Variants in GPC5 observed in about 807,000 individuals in gnomAD.
GPC5 encodes the protein glypican-5.
GPC5 carries 47 observed loss-of-function variants against 53.9 expected under a neutral mutation model. The observed-to-expected ratio is 0.87, with a 90% CI of 0.69 to 1.11. GPC5 has a LOEUF of 1.11. GPC5 is among the 50% of genes most tolerant of loss of function. The pLI, the probability that GPC5 is intolerant of heterozygous loss-of-function variation, is 0.00. For synonymous variants in GPC5, 286 were observed against 263.3 expected, an observed-to-expected ratio of 1.09 and a Z score of -0.84; for missense variants, 748 against 713.1, an observed-to-expected ratio of 1.05 and a Z score of -0.56.
At chr13:91,901,055 T>C (rs1036176897) in intron 5 of GPC5, among the ~76,000 whole-genome samples, 1 of 152,062 alleles carries the variant, frequency 6.6e-6, no homozygotes, top group Non-Finnish European at 1.5e-5. Flanking sequence ...GGTAAAATTT[T>C]CAGGTTGGTT....
intron 7 of GPC5, among the ~76,000 whole-genome samples, chr13:92,186,011 A>G (rs1376931171): frequency 6.6e-6 from 1 of 152,182 alleles, no homozygotes; most frequent in Non-Finnish European, 1.5e-5. Flanking sequence ...GTAATGAAAT[A>G]TTAATTTAAA....
chr13:92,743,183 C>A (rs1472723428), intron 7 of GPC5, among the ~76,000 whole-genome samples: 4 of 151,878 alleles, frequency 2.6e-5, no homozygotes, highest in Non-Finnish European at 5.9e-5. Flanking sequence ...GGCAGTATGG[C>A]CATTTTCACG....
At chr13:92,366,594 T>A (rs1045045413) in intron 7 of GPC5, among the ~76,000 whole-genome samples, 1 of 152,182 alleles carries the variant, frequency 6.6e-6, no homozygotes, top group African/African-American at 2.4e-5. Context: ...TCTTTATTTT[T>A]AAACATGTAT....
intron 6 of GPC5, among the ~76,000 whole-genome samples, chr13:91,976,187 G>A (rs944943626): frequency 2.0e-5 from 3 of 152,058 alleles, no homozygotes; most frequent in African/African-American, 4.8e-5. Context: ...CGAGTTAATG[G>A]GTGCAGCACA....
At chr13:92,322,724 T>C (rs573302355) in intron 7 of GPC5, among the ~76,000 whole-genome samples, 20 of 152,202 alleles carry the variant, frequency 1.3e-4, no homozygotes, top group Non-Finnish European at 2.6e-4. Flanking sequence ...CTTTCATTGT[T>C]GAAGAAATAA....
At chr13:92,056,092 A>T (rs1438773975) in intron 6 of GPC5, among the ~76,000 whole-genome samples, 4 of 152,098 alleles carry the variant, frequency 2.6e-5, no homozygotes, top group Non-Finnish European at 5.9e-5. Context: ...TAGTGGCTTA[A>T]TATATTATCT....
intron 7 of GPC5, among the ~76,000 whole-genome samples, chr13:92,655,664 GAGTC>G (rs1455058386): frequency 6.6e-6 from 1 of 152,178 alleles, no homozygotes; most frequent in Non-Finnish European, 1.5e-5. Context: ...GGAGTATCAA[GAGTC>G]AGCCTTTGTT....
intron 6 of GPC5, among the ~76,000 whole-genome samples, chr13:92,112,739 A>G (rs2041568159): frequency 6.6e-6 from 1 of 152,094 alleles, no homozygotes; most frequent in South Asian, 2.1e-4. Context: ...TGTATGTACA[A>G]GTGTGTGTGT....
intron 5 of GPC5, among the ~76,000 whole-genome samples, chr13:91,817,418 T>G (rs2038416929): frequency 6.6e-6 from 1 of 152,184 alleles, no homozygotes; most frequent in Admixed American, 6.5e-5. Flanking sequence ...AAATGCGCAG[T>G]CATGTCTGTA....
intron 6 of GPC5, among the ~76,000 whole-genome samples, chr13:92,070,833 A>G (rs542021505): frequency 6.6e-6 from 1 of 152,250 alleles, no homozygotes; most frequent in Middle Eastern, 3.4e-3. Context: ...CTGAGGTGCA[A>G]TAACTTTCTA....
intron 7 of GPC5, among the ~76,000 whole-genome samples, chr13:92,548,876 C>T (rs922511548): frequency 5.9e-5 from 9 of 151,474 alleles, no homozygotes; most frequent in Admixed American, 2.0e-4. Context: ...TCTCATGTGC[C>T]GCATAAATAC....
intron 7 of GPC5, among the ~76,000 whole-genome samples, chr13:92,702,873 C>T (rs945172024): frequency 9.9e-5 from 15 of 151,830 alleles, no homozygotes; most frequent in Non-Finnish European, 1.8e-4. Context: ...TCATTTTGCT[C>T]CAGCACCACT....
chr13:92,268,238 A>T (rs2042815776), intron 7 of GPC5, among the ~76,000 whole-genome samples: 1 of 152,090 alleles, frequency 6.6e-6, no homozygotes, highest in African/African-American at 2.4e-5. Context: ...AATTTCAAAA[A>T]AAGGTAAAAA....
At chr13:92,741,227 G>A (rs1473263805) in intron 7 of GPC5, among the ~76,000 whole-genome samples, 1 of 151,156 alleles carries the variant, frequency 6.6e-6, no homozygotes, top group Non-Finnish European at 1.5e-5. Context: ...CATTCATGAG[G>A]TGATGTTTAG....
In GPC5 at chr13:91,634,697, A is replaced by T. The variant is rs72641489; in HGVS notation, c.326-58490A>T. Among the ~76,000 whole-genome samples the T allele has an allele frequency of 8.9e-3, 1,350 of 152,200 alleles. 26 individuals carry two copies. The highest frequency in any genetic ancestry group is 0.053 in the South Asian group (258 of 4,832). ...GTGTTTCTACTGGAGCTTGAAATTA[A>T]TATAGTTTTATATACCAGTATTACC... On this transcript the variant is annotated intron_variant, in intron 2 of 7. Transcript: ENST00000377067.
At chr13:91,410,339 CTTTTTTTTTT>C (rs66787310) in intron 1 of GPC5, among the ~76,000 whole-genome samples, 2 of 89,838 alleles carry the variant, frequency 2.2e-5, no homozygotes, top group South Asian at 4.4e-4. Flanking sequence ...CGTTTCCATT[CTTTTTTTTTT>C]TTTTTTTTTT....
At chr13:92,020,233 T>A (rs1285820470) in intron 6 of GPC5, among the ~76,000 whole-genome samples, 3 of 152,094 alleles carry the variant, frequency 2.0e-5, no homozygotes, top group Admixed American at 2.0e-4. Flanking sequence ...TTAATCTCCC[T>A]ATTTTAAACT....
intron 4 of GPC5, among the ~76,000 whole-genome samples, chr13:91,744,027 G>A (rs2036994216): frequency 4.4e-5 from 1 of 22,820 alleles, no homozygotes; most frequent in Non-Finnish European, 8.1e-5. Context: ...CAAGATTCTT[G>A]TTATATAAGG....
intron 2 of GPC5, among the ~76,000 whole-genome samples, chr13:91,598,277 G>A (rs745445013): frequency 5.9e-5 from 9 of 151,942 alleles, no homozygotes; most frequent in South Asian, 2.1e-4. Context: ...TACCAGTGAC[G>A]ATGCACTTTT....
Sources: gnomAD v4.1 joint callset for allele counts (sites outside exome capture counted in the v4.1 genomes callset) on GRCh38, gnomAD v4.1.1 for gene constraint, MANE v1.5 for transcripts, NCBI Gene and HGNC (gene_info 2026-07-23, HGNC 2026-07-21) for gene names.